The following SP3 variants were observed in gnomAD, a reference collection of about 807,000 sequenced individuals.
SP3 encodes Sp3 transcription factor.
SP3 carries 10 observed loss-of-function variants against 70.3 expected under a neutral mutation model. That is an observed-to-expected ratio of 0.14 (90% CI 0.09 to 0.24). The LOEUF is 0.24. SP3 is among the 10% of genes least tolerant of loss of function. The probability of loss-of-function intolerance (pLI) is 1.00; values close to 1 mark genes in which losing one functional copy is unlikely to be tolerated. For synonymous variants in SP3, 402 were observed against 333.5 expected (o/e 1.21, Z -2.24); for missense variants, 825 against 914.6 (o/e 0.90, Z 1.26).
chr2:173,931,482 T>A (rs187939719), intron 4 of SP3, among the ~76,000 whole-genome samples: 211 of 152,266 alleles, frequency 1.4e-3, no homozygotes, highest in African/African-American at 4.9e-3. Flanking sequence ...TAGCTAGGAC[T>A]ACAGGTGTGC....
At position 173,906,881 on chromosome 2, in the gene SP3, A is replaced by C. The variant is rs766771507; in HGVS notation, c.*3060T>G. 5.9e-5 allele frequency: 9 copies of C among 152,194 alleles called. No individual in the cohort carries two copies. Among genetic ancestry groups the C allele is most frequent in the Non-Finnish European group, 1.0e-4 (7 of 68,024 alleles). The allele number at this position is 152,194 out of a possible 1,614,324, so 9.4% of individuals were successfully genotyped here. On this transcript the variant is annotated 3_prime_UTR_variant, in exon 7 of 7. Transcript: ENST00000310015. Reference sequence around the variant, plus strand: ...GCTACCAGGCCTATGGAATCTCTAAAATGCTCCCCAGCAATTTCTAATGAA... The same window carrying C: ...GCTACCAGGCCTATGGAATCTCTAACATGCTCCCCAGCAATTTCTAATGAA...
intron 4 of SP3, among the ~76,000 whole-genome samples, chr2:173,931,824 A>T (rs1192545379): frequency 6.6e-6 from 1 of 152,130 alleles, no homozygotes; most frequent in East Asian, 1.9e-4. Flanking sequence ...CCTCACCTCT[A>T]TCAGCATTCA....
chr2:173,903,489 AAC>A lies in SP3; in HGVS notation c.*6450_*6451del, dbSNP rs935101380. ...TACTAAATGAATAAAGATGGAAAAA[AAC>A]ACACAGAGTTACTAGGAGTAGAATT... is the stretch of plus-strand genomic sequence containing the variant. On this transcript the variant is annotated 3_prime_UTR_variant, in exon 7 of 7. Transcript: ENST00000310015. 3.5e-4 allele frequency among the ~76,000 whole-genome samples: 54 copies of A among 152,326 alleles called. No individual in the cohort carries two copies. Among genetic ancestry groups the A allele is most frequent in the Non-Finnish European group, 4.9e-4 (33 of 68,032 alleles).
rs1270035439 is a variant in SP3, at chr2:173,920,740, G to A, written c.1640-1955C>T. On this transcript the variant is annotated intron_variant, in intron 4 of 6. Transcript: ENST00000310015. ...CGAGTAGCTGGGATTACAGGTGCCCGCCACCATGCCCAGCTAGTTTTTGTA... is the reference window on the plus strand; with the variant it reads ...CGAGTAGCTGGGATTACAGGTGCCCACCACCATGCCCAGCTAGTTTTTGTA... 5.9e-5 allele frequency among the ~76,000 whole-genome samples: 9 copies of A among 151,908 alleles called. No homozygotes were observed. The East Asian group carries it at 1.2e-3, about 20-fold the overall frequency.
chr2:173,944,882 C>T (rs1470492363), intron 4 of SP3, among the ~76,000 whole-genome samples: 4 of 152,118 alleles, frequency 2.6e-5, no homozygotes, highest in Admixed American at 2.6e-4. Flanking sequence ...TTTGGGAGGC[C>T]AAGGCAGCTG....
rs1689405867 is a variant in SP3, at chr2:173,909,087, C to G, written c.*854G>C. 1 of 152,418 alleles carries G rather than the reference C, an allele frequency of 6.6e-6. No homozygotes were observed. Among genetic ancestry groups the G allele is most frequent in the Non-Finnish European group, 1.5e-5 (1 of 67,924 alleles). 9.4% of individuals were successfully genotyped at this position (152,418 alleles called of 1,614,324 possible). ...CCCTGGGAGACATGGTTTTTGGAAACAAGATTGGATAAAAATCACTGCTAA... is the reference window on the plus strand; with the variant it reads ...CCCTGGGAGACATGGTTTTTGGAAAGAAGATTGGATAAAAATCACTGCTAA... On this transcript the variant is annotated 3_prime_UTR_variant, in exon 7 of 7. Transcript: ENST00000310015.
intron 6 of SP3, among the ~76,000 whole-genome samples, chr2:173,910,857 C>G (rs983147152): frequency 6.6e-6 from 1 of 152,100 alleles, no homozygotes; most frequent in African/African-American, 2.4e-5. Flanking sequence ...CTGTTAAAAT[C>G]CTGATGCCTA....
intron 4 of SP3, among the ~76,000 whole-genome samples, chr2:173,952,765 T>C (rs766997096): frequency 6.6e-6 from 1 of 152,192 alleles, no homozygotes; most frequent in Non-Finnish European, 1.5e-5. Context: ...CAGATGAACC[T>C]TGAAAACATC....
chr2:173,910,233 T>A lies in SP3; in HGVS notation c.2054A>T (p.Glu685Val). The A allele has an allele frequency of 6.2e-7, 1 of 1,613,804 alleles. No homozygotes were observed. Among genetic ancestry groups the A allele is most frequent in the Non-Finnish European group, 8.5e-7 (1 of 1,179,816 alleles). ...ACTTCTCATAAAGCGTTTTGAACATTCTGGACAAACAAATTTCTTCTCACC... is the reference window on the plus strand; with the variant it reads ...ACTTCTCATAAAGCGTTTTGAACATACTGGACAAACAAATTTCTTCTCACC... ...HTGEKKFVCP[E>V]CSKRFMRSDH... is the part of the protein sequence containing the mutation. The change falls in exon 7 of 7, where the codon GAA becomes GTA. Residue 685 changes from glutamate (E) to valine (V), a missense_variant. Transcript: ENST00000310015.
intron 3 of SP3, among the ~76,000 whole-genome samples, chr2:173,961,159 C>T (rs6736994): frequency 0.01 from 1,553 of 152,198 alleles, 30 homozygotes; most frequent in African/African-American, 0.035. Context: ...TACAAAGGAG[C>T]GTTGCTATAA....
chr2:173,963,759 ACCGCTCCGGCGGCGGCGGGGGCCC>A lies in SP3; in HGVS notation c.257_279+1del. 2.5e-6 allele frequency: 3 copies of A among 1,221,958 alleles called. No individual in the cohort carries two copies. The highest frequency in any genetic ancestry group is 3.1e-6 in the Non-Finnish European group (3 of 961,808). The allele number at this position is 1,221,958 out of a possible 1,614,324, so 75.7% of individuals were successfully genotyped here. A position where few individuals can be genotyped will look rare whatever the true frequency, so the allele number is the denominator to read the frequency against. On this transcript the variant is annotated splice_donor_variant and coding_sequence_variant, in exon 3 of 7. Transcript: ENST00000310015. LOFTEE classifies it high-confidence loss of function. ...CGGGGGCGGGCCGCGCGCGGGACTT[ACCGCTCCGGCGGCGGCGGGGGCCC>A]CGGCTGCGGCGGCCGCCTCCTCCTC...
At position 173,934,501 on chromosome 2, in the gene SP3, A is replaced by T. The variant is rs144425143; in HGVS notation, c.1640-15716T>A. Among the ~76,000 whole-genome samples, 770 of 152,296 alleles carry T rather than the reference A, an allele frequency of 5.1e-3. 3 individuals carry two copies. Among genetic ancestry groups the T allele is most frequent in the African/African-American group, 0.017 (722 of 41,554 alleles). On this transcript the variant is annotated intron_variant, in intron 4 of 6. Transcript: ENST00000310015. The stretch of plus-strand genomic sequence containing the variant: ...AAATAAATGACATAATGTTAATCAA[A>T]ACTAAAGATATTTTCACCAATTTTC...
Position 173,964,510 on chromosome 2 carries a change from G to T in SP3, c.51C>A (p.Asp17Glu), listed in dbSNP as rs1258323592. The T allele has an allele frequency of 1.6e-6, 1 of 638,790 alleles. No individual in the cohort carries two copies. The highest frequency in any genetic ancestry group is 1.5e-5 in the South Asian group (1 of 65,928). 39.6% of individuals were successfully genotyped at this position (638,790 alleles called of 1,614,324 possible). A position where few individuals can be genotyped will look rare whatever the true frequency, so the allele number is the denominator to read the frequency against. ...PVKQEEMAAL[D>E]VDSGGGGGGG... Reference sequence around the variant, plus strand: ...CGCCACCGCCGCCGCCGCTATCCACGTCCAAGGCAGCCATTTCCTCTTGTT... The same window carrying T: ...CGCCACCGCCGCCGCCGCTATCCACTTCCAAGGCAGCCATTTCCTCTTGTT... The change falls in exon 2 of 7, where the codon GAC (aspartate) becomes GAA (glutamate). Residue 17 changes from aspartate to glutamate, a missense_variant. Coordinates refer to ENST00000310015, the MANE Select transcript of SP3 (RefSeq NM_003111.5).
At chr2:173,912,058 A>T (rs979593542) in intron 6 of SP3, among the ~76,000 whole-genome samples, 1 of 152,130 alleles carries the variant, frequency 6.6e-6, no homozygotes, top group Admixed American at 6.5e-5. Flanking sequence ...GGCTCAAGCA[A>T]TCTGCCTTCC....
At chr2:173,940,785 C>T (rs556013717) in intron 4 of SP3, among the ~76,000 whole-genome samples, 2 of 152,244 alleles carry the variant, frequency 1.3e-5, no homozygotes, top group Non-Finnish European at 2.9e-5. Context: ...CTCAAACTTC[C>T]TAACACCTGG....
Position 173,904,460 on chromosome 2 carries a change from G to A in SP3, c.*5481C>T, listed in dbSNP as rs565686674. 1.3e-5 allele frequency among the ~76,000 whole-genome samples: 2 copies of A among 152,264 alleles called. No homozygotes were observed. Among genetic ancestry groups the A allele is most frequent in the South Asian group, 2.1e-4 (1 of 4,808 alleles). ...CTCTGTAAGGTTTTAAGGCTATCTT[G>A]TGGAACCCCAGGAGGATGAAATGCA... On this transcript the variant is annotated 3_prime_UTR_variant, in exon 7 of 7. Transcript: ENST00000310015.
intron 4 of SP3, among the ~76,000 whole-genome samples, chr2:173,923,660 A>G (rs913079709): frequency 6.6e-6 from 1 of 152,062 alleles, no homozygotes; most frequent in Non-Finnish European, 1.5e-5. Context: ...TCTTTTATCA[A>G]TAGTGTGCCA....
chr2:173,951,042 T>A (rs1690697281), intron 4 of SP3, among the ~76,000 whole-genome samples: 1 of 152,218 alleles, frequency 6.6e-6, no homozygotes, highest in Non-Finnish European at 1.5e-5. Context: ...CATTTTGTAT[T>A]CAATATACAC....
Position 173,955,948 on chromosome 2 carries a change from G to A in SP3, c.564C>T (p.Phe188=). Residue 188 remains phenylalanine (F), a synonymous_variant, in exon 4 of 7, where the codon TTC becomes TTT. Coordinates refer to ENST00000310015, the MANE Select transcript of SP3 (RefSeq NM_003111.5). The part of the protein sequence containing the change: ...SADGQQVQIG[F]TGSSDNGGIN... ...TACCCCCATTATCTGAAGAGCCTGT[G>A]AAACCAATTTGAACCTGCTGACCAT... is the stretch of plus-strand genomic sequence containing the variant. 3.7e-6 allele frequency: 6 copies of A among 1,614,186 alleles called. No homozygotes were observed. The highest frequency in any genetic ancestry group is 5.1e-6 in the Non-Finnish European group (6 of 1,180,026).
Sources: gnomAD v4.1 joint callset for allele counts (sites outside exome capture counted in the v4.1 genomes callset) on GRCh38, gnomAD v4.1.1 for gene constraint, MANE v1.5 for transcripts, NCBI Gene and HGNC (gene_info 2026-07-23, HGNC 2026-07-21) for gene names.